GOLM2: variants seen among roughly 807,000 people sequenced by gnomAD.
GOLM2 encodes protein GOLM2.
GOLM2 carries 26 observed loss-of-function variants against 55.9 expected under a neutral mutation model. The ratio of observed to expected loss-of-function variants is 0.47; its 90% confidence interval spans 0.34 to 0.65. The LOEUF (loss-of-function observed/expected upper bound fraction) is 0.65. Among genes scored for constraint, GOLM2 ranks in the 30% least tolerant of loss-of-function variants. GOLM2 has a pLI of 0.01. For synonymous variants in GOLM2, 165 were observed against 194.6 expected (o/e 0.85, Z 1.27); for missense variants, 486 against 531.8 (o/e 0.91, Z 0.85).
At chr15:44,301,790 T>A (rs1167112816) in intron 1 of GOLM2, among the ~76,000 whole-genome samples, 3 of 152,054 alleles carry the variant, frequency 2.0e-5, no homozygotes, top group Non-Finnish European at 4.4e-5. Context: ...CACATGCCTA[T>A]AATCCCATTT....
chr15:44,369,066 ATTATATATATATATATAT>A (rs1396844824), intron 6 of GOLM2, among the ~76,000 whole-genome samples: 77 of 60,078 alleles, frequency 1.3e-3, no homozygotes, highest in African/African-American at 5.2e-3. Context: ...AATAGGATAT[ATTATATATATATATATAT>A]ATATATATAT....
At chr15:44,315,310 T>C (rs1005733251) in intron 1 of GOLM2, among the ~76,000 whole-genome samples, 3 of 152,170 alleles carry the variant, frequency 2.0e-5, no homozygotes, top group Admixed American at 6.5e-5. Flanking sequence ...GTATATAACC[T>C]TTGGAATAAA....
At chr15:44,322,929 A>C in intron 1 of GOLM2, 36 bp from the exon 2 acceptor site, 1 of 1,448,492 alleles carries the variant, frequency 6.9e-7, no homozygotes, top group South Asian at 1.3e-5. Context: ...AAAACTACAT[A>C]TTTTTTAGTA....
intron 6 of GOLM2, among the ~76,000 whole-genome samples, chr15:44,355,926 G>A (rs1417375042): frequency 1.3e-5 from 2 of 152,038 alleles, no homozygotes; most frequent in Admixed American, 1.3e-4. Flanking sequence ...ATAATAGAAA[G>A]ATAACTGGAA....
intron 6 of GOLM2, among the ~76,000 whole-genome samples, chr15:44,345,047 G>A (rs1379502965): frequency 2.7e-4 from 41 of 151,384 alleles, no homozygotes; most frequent in Non-Finnish European, 5.3e-4. Context: ...TCCTGACCTC[G>A]TGATCCGCCT....
At chr15:44,342,725 G>T (rs1232690617) in intron 6 of GOLM2, among the ~76,000 whole-genome samples, 1 of 152,182 alleles carries the variant, frequency 6.6e-6, no homozygotes, top group Non-Finnish European at 1.5e-5. Context: ...TGATCATTCG[G>T]ATGCAAACAC....
Position 44,380,955 on chromosome 15 carries a change from G to T in GOLM2, c.1051G>T (p.Asp351Tyr). ...LKQATKDRVSDFHKLKQSRFF... is the reference protein window; with the variant it reads ...LKQATKDRVSYFHKLKQSRFF... Reference sequence around the variant, plus strand: ...GCAGGCTACCAAGGACAGAGTCAGTGATTTCCATAAATTGAAGCAAAGTAA... The same window carrying T: ...GCAGGCTACCAAGGACAGAGTCAGTTATTTCCATAAATTGAAGCAAAGTAA... The change falls in exon 8 of 10, where the codon GAT (aspartate) becomes TAT (tyrosine). Residue 351 changes from aspartate (D) to tyrosine (Y), a missense_variant. By Grantham distance (160) the Asp-to-Tyr change is radical. Transcript: ENST00000299957. 1 of 1,568,408 alleles carries T rather than the reference G, an allele frequency of 6.4e-7. No homozygotes were observed. Among genetic ancestry groups the T allele is most frequent in the Non-Finnish European group, 8.6e-7 (1 of 1,160,282 alleles).
chr15:44,406,796 A>G (rs1038887893), intron 9 of GOLM2: 1 of 152,130 alleles, frequency 6.6e-6, no homozygotes, highest in African/African-American at 2.4e-5. Flanking sequence ...GGTCCCTAGG[A>G]TTAGAGATTC....
rs58317520 is a variant in GOLM2, at chr15:44,369,067, TTATATATATATATATATA to T, written c.803-10590_803-10573del. 5.5e-3 allele frequency among the ~76,000 whole-genome samples: 126 copies of T among 22,978 alleles called. 2 individuals are homozygous for T. Among genetic ancestry groups the T allele is most frequent in the Admixed American group, 0.013 (20 of 1,490 alleles). The allele number at this position is 22,978 out of a possible 152,430, so 15.1% of individuals were successfully genotyped here. The stretch of plus-strand genomic sequence containing the variant: ...AGATATATACATATAATAGGATATA[TTATATATATATATATATA>T]TATATATATATATATATATATATAT... On this transcript the variant is annotated intron_variant, in intron 6 of 9. Coordinates refer to ENST00000299957, the MANE Select transcript of GOLM2 (RefSeq NM_138423.4).
chr15:44,360,174 A>C (rs551377159), intron 6 of GOLM2, among the ~76,000 whole-genome samples: 4 of 152,246 alleles, frequency 2.6e-5, no homozygotes, highest in African/African-American at 9.6e-5. Flanking sequence ...CTAACATCAT[A>C]ATGACAGGTT....
chr15:44,404,649 A>T (rs77155350), intron 9 of GOLM2, among the ~76,000 whole-genome samples: 6,966 of 151,878 alleles, frequency 0.046, 267 homozygotes, highest in East Asian at 0.19. Context: ...TCATGCATGT[A>T]TATCATATCA....
rs564232450 is a variant in GOLM2, at chr15:44,359,083, G to A, written c.803-20607G>A. Among the ~76,000 whole-genome samples the A allele has an allele frequency of 3.5e-3, 526 of 152,126 alleles. 2 individuals carry two copies. Among genetic ancestry groups the A allele is most frequent in the Non-Finnish European group, 5.6e-3 (382 of 68,002 alleles). ...GAGAATGGCGTGAACCAGGGAGGCG[G>A]AGGTTGCAGTGAGCTGAGATCGCGC... On this transcript the variant is annotated intron_variant, in intron 6 of 9. Coordinates refer to ENST00000299957, the MANE Select transcript of GOLM2 (RefSeq NM_138423.4).
At chr15:44,345,758 G>C (rs554894718) in intron 6 of GOLM2, 1 of 152,178 alleles carries the variant, frequency 6.6e-6, no homozygotes, top group South Asian at 2.1e-4. Flanking sequence ...TAGGTATAAA[G>C]ATATTTAAGT....
At chr15:44,382,906 G>A (rs1468240446) in intron 8 of GOLM2, among the ~76,000 whole-genome samples, 8 of 140,742 alleles carry the variant, frequency 5.7e-5, no homozygotes, top group South Asian at 4.5e-4. Context: ...CTGGGCAACA[G>A]AGCGAGACTC....
rs552048240 is a variant in GOLM2 at position 44,303,877 on chromosome 15, A to G, written c.327+14521A>G. Among the ~76,000 whole-genome samples, 18 of 151,906 alleles carry G rather than the reference A, an allele frequency of 1.2e-4. No homozygotes were observed. The South Asian group carries it at 3.8e-3, about 32-fold the overall frequency. ...TAGCCTCCTGAGTAGCTGGGATTAC[A>G]GACATGCACCACCAGGCCTGGCTGA... is the stretch of plus-strand genomic sequence containing the variant. On this transcript the variant is annotated intron_variant, in intron 1 of 9. Transcript: ENST00000299957.
At chr15:44,297,401 C>T (rs1385254717) in intron 1 of GOLM2, among the ~76,000 whole-genome samples, 1 of 152,170 alleles carries the variant, frequency 6.6e-6, no homozygotes, top group Non-Finnish European at 1.5e-5. Flanking sequence ...CCCACTATCT[C>T]CTGACCCAAA....
intron 6 of GOLM2, among the ~76,000 whole-genome samples, chr15:44,368,131 T>C (rs538725915): frequency 6.6e-6 from 1 of 151,980 alleles, no homozygotes; most frequent in Non-Finnish European, 1.5e-5. Flanking sequence ...TCATACATTT[T>C]TAAAATTTAT....
chr15:44,322,622 G>C (rs895077433), intron 1 of GOLM2, among the ~76,000 whole-genome samples: 1 of 151,956 alleles, frequency 6.6e-6, no homozygotes, highest in African/African-American at 2.4e-5. Context: ...TCATGTTTTC[G>C]TATACTTTTA....
intron 1 of GOLM2, among the ~76,000 whole-genome samples, chr15:44,294,639 G>T (rs190008194): frequency 2.0e-5 from 3 of 151,170 alleles, no homozygotes; most frequent in Non-Finnish European, 4.4e-5. Context: ...GCTTGAACCC[G>T]GCAGGCAGAG....
Sources: allele counts gnomAD v4.1 joint callset (sites outside exome capture counted in the v4.1 genomes callset), GRCh38; gene constraint gnomAD v4.1.1; transcripts MANE v1.5; gene names NCBI Gene and HGNC (gene_info 2026-07-23, HGNC 2026-07-21).